AKAP13: variants seen among roughly 807,000 people sequenced by gnomAD.
AKAP13 encodes A-kinase anchor protein 13.
A neutral mutation model predicts 264.5 loss-of-function variants in AKAP13; 80 were observed. That is an observed-to-expected ratio of 0.30 (90% CI 0.25 to 0.36). The LOEUF (loss-of-function observed/expected upper bound fraction) is 0.36, where lower values mean the gene tolerates loss of function less well. AKAP13 is among the 10% of genes least tolerant of loss of function. The pLI, the probability that AKAP13 is intolerant of heterozygous loss-of-function variation, is 1.00. For missense variants in AKAP13, 3,712 were observed against 3,435.2 expected, an observed-to-expected ratio of 1.08 and a Z score of -2.01; for synonymous variants, 1,380 against 1,250.2, an observed-to-expected ratio of 1.10 and a Z score of -2.19.
In AKAP13 at chr15:85,645,951, A is replaced by G. The variant is rs762805580; in HGVS notation, c.4371A>G (p.Pro1457=). The G allele has an allele frequency of 4.3e-6, 7 of 1,612,882 alleles. No homozygotes were observed. The highest frequency in any genetic ancestry group is 1.6e-4 in the Middle Eastern group (1 of 6,080). The change falls in exon 10 of 37, where the codon CCA becomes CCG. Residue 1457 remains proline, a synonymous_variant. Coordinates refer to ENST00000394518, the MANE Select transcript of AKAP13 (RefSeq NM_007200.5). ...PSDDMDSIIF[P]KPEEEHLACD... is the part of the protein sequence containing the mutation. ...ATGACATGGACAGCATCATCTTCCC[A>G]AAGGTACTGTGTGGACCTTCCTTTC...
At chr15:85,744,212 A>G (rs2089278463) in intron 36 of AKAP13, 2 of 297,020 alleles carry the variant, frequency 6.7e-6, no homozygotes, top group African/African-American at 4.4e-5. Context: ...TAACCCCAAG[A>G]GAAGTGAGGA....
Position 85,719,210 on chromosome 15 carries a change from A to G in AKAP13, c.6136A>G (p.Ile2046Val). 1 of 1,614,188 alleles carries G rather than the reference A, an allele frequency of 6.2e-7. No individual in the cohort carries two copies. The highest frequency in any genetic ancestry group is 8.5e-7 in the Non-Finnish European group (1 of 1,180,026). ...GCTGTTCCCCTGTTTGGATGAGCTG[A>G]TCAGTATCCATAGCCAATTCTTCCA... ...EKLFPCLDEL[I>V]SIHSQFFQRI... Residue 2046 changes from isoleucine (I) to valine (V), a missense_variant, in exon 23 of 37, where the codon ATC becomes GTC. Transcript: ENST00000394518.
At chr15:85,424,017 T>G (rs936090238) in intron 1 of AKAP13, among the ~76,000 whole-genome samples, 1 of 152,206 alleles carries the variant, frequency 6.6e-6, no homozygotes, top group Non-Finnish European at 1.5e-5. Context: ...TAAACAGATG[T>G]TCTGTCCAGG....
At chr15:85,685,707 C>A (rs1006323841) in intron 16 of AKAP13, among the ~76,000 whole-genome samples, 1 of 152,052 alleles carries the variant, frequency 6.6e-6, no homozygotes, top group Non-Finnish European at 1.5e-5. Context: ...GTGTCTAGGC[C>A]GGTCTAATGC....
intron 1 of AKAP13, among the ~76,000 whole-genome samples, chr15:85,416,146 T>C (rs1260782119): frequency 6.6e-6 from 1 of 152,254 alleles, no homozygotes; most frequent in South Asian, 2.1e-4. Flanking sequence ...GGTTACTCTT[T>C]TATAATTGTA....
intron 8 of AKAP13, among the ~76,000 whole-genome samples, chr15:85,609,450 A>T (rs904684863): frequency 6.6e-6 from 1 of 152,182 alleles, no homozygotes; most frequent in Non-Finnish European, 1.5e-5. Flanking sequence ...ACAGGATTTC[A>T]TTATTTTTTA....
chr15:85,395,707 T>C (rs1013988563), intron 1 of AKAP13, among the ~76,000 whole-genome samples: 3 of 152,186 alleles, frequency 2.0e-5, no homozygotes, highest in Non-Finnish European at 4.4e-5. Flanking sequence ...AATGATTGTT[T>C]TTCCTATTTA....
At chr15:85,442,491 A>T (rs1338719565) in intron 1 of AKAP13, among the ~76,000 whole-genome samples, 1 of 109,674 alleles carries the variant, frequency 9.1e-6, no homozygotes, top group Non-Finnish European at 1.9e-5. Context: ...AATATATATA[A>T]TATATATTAT....
intron 1 of AKAP13, among the ~76,000 whole-genome samples, chr15:85,485,406 G>A (rs2075504473): frequency 6.6e-6 from 1 of 152,198 alleles, no homozygotes; most frequent in Admixed American, 6.5e-5. Context: ...CAATGGTTTT[G>A]CTTTGATAAC....
intron 1 of AKAP13, among the ~76,000 whole-genome samples, chr15:85,403,016 C>CTTG (rs1489392213): frequency 6.6e-6 from 1 of 152,060 alleles, no homozygotes; most frequent in Non-Finnish European, 1.5e-5. Context: ...TTCTTAACTG[C>CTTG]TTGTTATGCC....
At chr15:85,527,115 A>G (rs1182182736) in intron 3 of AKAP13, among the ~76,000 whole-genome samples, 1 of 152,074 alleles carries the variant, frequency 6.6e-6, no homozygotes, top group Non-Finnish European at 1.5e-5. Context: ...GGCGCCCGCC[A>G]CCACGCCCGG....
chr15:85,553,485 A>C (rs982836971), intron 5 of AKAP13, among the ~76,000 whole-genome samples: 3 of 152,234 alleles, frequency 2.0e-5, no homozygotes, highest in East Asian at 1.9e-4. Context: ...CCGGTGCACT[A>C]TCTCTTAATA....
intron 8 of AKAP13, among the ~76,000 whole-genome samples, chr15:85,600,982 C>T (rs1273796868): frequency 6.6e-6 from 1 of 152,192 alleles, no homozygotes; most frequent in African/African-American, 2.4e-5. Context: ...CCTTACGTGC[C>T]AGATCTTCTA....
intron 1 of AKAP13, among the ~76,000 whole-genome samples, chr15:85,411,506 C>T (rs896811220): frequency 6.6e-6 from 1 of 152,034 alleles, no homozygotes. Flanking sequence ...GGCACGATCT[C>T]GGCTCACTGC....
chr15:85,620,679 A>T (rs1043165973), intron 8 of AKAP13, among the ~76,000 whole-genome samples: 5 of 152,072 alleles, frequency 3.3e-5, no homozygotes, highest in African/African-American at 1.2e-4. Flanking sequence ...TTTTGGAAGG[A>T]TTTCCAATAA....
intron 5 of AKAP13, among the ~76,000 whole-genome samples, chr15:85,563,326 C>CCTGTT: frequency 1.2e-5 from 1 of 83,320 alleles, no homozygotes; most frequent in Admixed American, 1.5e-4. Context: ...GTAGAATGTG[C>CCTGTT]TTGTTTTTTT....
intron 2 of AKAP13, among the ~76,000 whole-genome samples, chr15:85,504,901 C>G (rs7183968): frequency 0.36 from 54,726 of 151,526 alleles, 10,059 homozygotes; most frequent in Non-Finnish European, 0.4. Flanking sequence ...CTCTTGCTCT[C>G]CCTCGCACCC....
intron 11 of AKAP13, among the ~76,000 whole-genome samples, chr15:85,656,278 A>G (rs1244492369): frequency 1.3e-5 from 2 of 152,174 alleles, no homozygotes; most frequent in African/African-American, 2.4e-5. Flanking sequence ...TAAAGTCTAA[A>G]TTATCATTGT....
chr15:85,567,904 A>G (rs539855062), intron 5 of AKAP13, among the ~76,000 whole-genome samples: 1 of 152,012 alleles, frequency 6.6e-6, no homozygotes, highest in Non-Finnish European at 1.5e-5. Context: ...TAGAGAGCTG[A>G]GAAAAGTATA....
Sources: gnomAD v4.1 joint callset for allele counts (sites outside exome capture counted in the v4.1 genomes callset) on GRCh38, gnomAD v4.1.1 for gene constraint, MANE v1.5 for transcripts, NCBI Gene and HGNC (gene_info 2026-07-23, HGNC 2026-07-21) for gene names.